CHCHD3: variants seen among roughly 807,000 people sequenced by gnomAD.
CHCHD3 encodes the protein MICOS complex subunit MIC19.
A neutral mutation model predicts 38.2 loss-of-function variants in CHCHD3; 20 were observed. The observed-to-expected ratio is 0.52, with a 90% confidence interval of 0.37 to 0.76. The LOEUF is 0.76. Among genes scored for constraint, CHCHD3 ranks in the 30% least tolerant of loss-of-function variants. CHCHD3 has a pLI of 0.00. For missense variants in CHCHD3, 245 were observed against 279.2 expected (o/e 0.88, Z 0.87); for synonymous variants, 82 against 100.0 (o/e 0.82, Z 1.07).
rs1290523752 is a variant in CHCHD3, at chr7:133,081,953, C to G, written c.-16G>C. On this transcript the variant is annotated 5_prime_UTR_variant, in exon 1 of 8. Transcript: ENST00000262570. ...TCCCACCCATGATTCCGGTTCCTGC[C>G]CCAGCGGAGACCTAGCGGGGAACCA... 6.5e-7 allele frequency: 1 copy of G among 1,536,716 alleles called. No individual in the cohort carries two copies. The highest frequency in any genetic ancestry group is 8.8e-7 in the Non-Finnish European group (1 of 1,139,618).
At position 133,069,315 on chromosome 7, in the gene CHCHD3, G is replaced by A. The variant is rs1311994020; in HGVS notation, c.169+827C>T. 5.4e-5 allele frequency among the ~76,000 whole-genome samples: 8 copies of A among 148,398 alleles called. No homozygotes were observed. In the East Asian group the frequency reaches 1.0e-3, roughly 19 times the overall value. On this transcript the variant is annotated intron_variant, in intron 2 of 7. Transcript: ENST00000262570. ...CTTAATGATTAGTAAGGGGCGGGGC[G>A]GGGGGGGTCACAATTGGCCCAAGTG...
At chr7:132,894,054 G>T (rs1026481553) in intron 4 of CHCHD3, among the ~76,000 whole-genome samples, 2 of 152,168 alleles carry the variant, frequency 1.3e-5, no homozygotes, top group African/African-American at 4.8e-5. Flanking sequence ...AATAAAGACA[G>T]GAGGTTGTTG....
At chr7:132,864,309 G>A (rs148907005) in intron 5 of CHCHD3, among the ~76,000 whole-genome samples, 2 of 152,274 alleles carry the variant, frequency 1.3e-5, no homozygotes, top group Admixed American at 1.3e-4. Context: ...AAGAGATGGG[G>A]AAATGGCTGA....
chr7:132,941,697 C>T (rs1810768740), intron 4 of CHCHD3, among the ~76,000 whole-genome samples: 1 of 152,074 alleles, frequency 6.6e-6, no homozygotes, highest in Non-Finnish European at 1.5e-5. Context: ...TGCTAAGAGC[C>T]TGGGATGGCT....
At chr7:133,000,379 T>C (rs1340572627) in intron 3 of CHCHD3, among the ~76,000 whole-genome samples, 1 of 152,184 alleles carries the variant, frequency 6.6e-6, no homozygotes, top group Non-Finnish European at 1.5e-5. Flanking sequence ...TAGATGTTCA[T>C]TTAGAACATT....
chr7:132,843,467 T>C (rs1290737160), intron 5 of CHCHD3, among the ~76,000 whole-genome samples: 1 of 152,210 alleles, frequency 6.6e-6, no homozygotes, highest in Non-Finnish European at 1.5e-5. Context: ...TTTTGAAGAA[T>C]GATGGCAAAT....
In CHCHD3 at chr7:132,928,122, T is replaced by C. The variant is rs1315485098; in HGVS notation, c.370-42377A>G. Among the ~76,000 whole-genome samples, 6 of 152,192 alleles carry C rather than the reference T, an allele frequency of 3.9e-5. 1 individual carries two copies. The highest frequency in any genetic ancestry group is 3.9e-4 in the Admixed American group (6 of 15,276). ...CAGGCCTGATTCAGAGGGAATCCCA[T>C]CTTCCTAGTCAGAATGAGGAAGGGG... On this transcript the variant is annotated intron_variant, in intron 4 of 7. Transcript: ENST00000262570.
intron 3 of CHCHD3, among the ~76,000 whole-genome samples, chr7:133,011,092 C>G (rs1408065837): frequency 6.6e-6 from 1 of 152,082 alleles, no homozygotes; most frequent in Non-Finnish European, 1.5e-5. Flanking sequence ...TGCAAATATT[C>G]TGGACAAGGA....
chr7:132,791,385 T>G (rs971528666), intron 7 of CHCHD3, among the ~76,000 whole-genome samples: 1 of 152,218 alleles, frequency 6.6e-6, no homozygotes, highest in East Asian at 1.9e-4. Flanking sequence ...CTCTGGAAGC[T>G]AATTTTGCAC....
intron 4 of CHCHD3, among the ~76,000 whole-genome samples, chr7:132,954,770 T>C (rs1585671076): frequency 6.6e-6 from 1 of 152,092 alleles, no homozygotes; most frequent in East Asian, 1.9e-4. Flanking sequence ...GATATCTCCA[T>C]TCTGTATGCA....
intron 4 of CHCHD3, among the ~76,000 whole-genome samples, chr7:132,956,100 G>T (rs1811157892): frequency 6.6e-6 from 1 of 152,226 alleles, no homozygotes; most frequent in South Asian, 2.1e-4. Context: ...GAGAAAGGCT[G>T]AGGTTCTCTA....
intron 2 of CHCHD3, among the ~76,000 whole-genome samples, chr7:133,053,083 G>A (rs1357343867): frequency 6.6e-6 from 1 of 152,092 alleles, no homozygotes; most frequent in African/African-American, 2.4e-5. Flanking sequence ...AATTCACACG[G>A]CATTTTCTCT....
At chr7:132,946,260 A>G (rs1016772421) in intron 4 of CHCHD3, among the ~76,000 whole-genome samples, 4 of 151,932 alleles carry the variant, frequency 2.6e-5, no homozygotes, top group Non-Finnish European at 5.9e-5. Flanking sequence ...AGAAAGAGAA[A>G]GAGAACAGTG....
Position 132,788,468 on chromosome 7 carries a change from C to T in CHCHD3, c.661-2808G>A, listed in dbSNP as rs114910262. Among the ~76,000 whole-genome samples, 3 of 152,128 alleles carry T rather than the reference C, an allele frequency of 2.0e-5. No homozygotes were observed. The highest frequency in any genetic ancestry group is 7.2e-5 in the African/African-American group (3 of 41,416). On this transcript the variant is annotated intron_variant, in intron 7 of 7. Coordinates refer to ENST00000262570, the MANE Select transcript of CHCHD3 (RefSeq NM_017812.4). The surrounding 1 kb of genome is among the most constrained non-coding windows in gnomAD (Gnocchi z 4.0). ...CCTCCTTTCAAATATTGCAAAATAA[C>T]CTGCAGCTGCCACAACTTAAGGAAA... is the stretch of plus-strand genomic sequence containing the variant.
In CHCHD3 at chr7:132,929,270, C is replaced by T. The variant is rs187761219; in HGVS notation, c.370-43525G>A. Among the ~76,000 whole-genome samples the T allele has an allele frequency of 4.6e-5, 7 of 152,252 alleles. No individual in the cohort carries two copies. The East Asian group carries it at 1.4e-3, about 29-fold the overall frequency. On this transcript the variant is annotated intron_variant, in intron 4 of 7. Transcript: ENST00000262570. ...TCATTTCACTGGCTGTCTCTGGAAA[C>T]TTCACCTCTGACGGATCCCTCACTT...
At chr7:132,824,253 G>T (rs1400333601) in intron 6 of CHCHD3, among the ~76,000 whole-genome samples, 1 of 150,416 alleles carries the variant, frequency 6.6e-6, no homozygotes, top group Non-Finnish European at 1.5e-5. Flanking sequence ...TAATCCTAGT[G>T]GTGACAATTA....
At chr7:132,836,441 C>CT (rs1483928968) in intron 6 of CHCHD3, among the ~76,000 whole-genome samples, 9 of 151,024 alleles carry the variant, frequency 6.0e-5, no homozygotes, top group African/African-American at 7.3e-5. Context: ...CTTTCAACAA[C>CT]TTTTTTTTTC....
At chr7:132,891,543 C>G (rs1809360044) in intron 4 of CHCHD3, among the ~76,000 whole-genome samples, 1 of 152,212 alleles carries the variant, frequency 6.6e-6, no homozygotes, top group Admixed American at 6.5e-5. Context: ...ATCAAGGCAG[C>G]TGGTTTTGGT....
At chr7:133,045,762 C>G (rs1813964748) in intron 2 of CHCHD3, among the ~76,000 whole-genome samples, 1 of 152,098 alleles carries the variant, frequency 6.6e-6, no homozygotes, top group Non-Finnish European at 1.5e-5. Flanking sequence ...TGGGAGGTGA[C>G]TGGATCATGG....
Sources: gnomAD v4.1 joint callset for allele counts (sites outside exome capture counted in the v4.1 genomes callset) on GRCh38, gnomAD v4.1.1 for gene constraint, Gnocchi (gnomAD v3.1) non-coding constraint, MANE v1.5 for transcripts, NCBI Gene and HGNC (gene_info 2026-07-23, HGNC 2026-07-21) for gene names.